SCD5: variants seen among roughly 807,000 people sequenced by gnomAD.
SCD5 encodes acyl-CoA-desaturase 4.
Under a neutral mutation model 30.4 loss-of-function variants are expected in SCD5, and 20 were observed. The observed-to-expected ratio is 0.66, with a 90% CI of 0.46 to 0.96. The LOEUF (loss-of-function observed/expected upper bound fraction) is 0.96, where lower values mean the gene tolerates loss of function less well. Ranked by LOEUF, SCD5 falls within the 40% of genes least tolerant of loss-of-function variation. SCD5 has a pLI of 0.00. For synonymous variants in SCD5, 173 were observed against 176.4 expected (o/e 0.98, Z 0.16); for missense variants, 381 against 443.3 (o/e 0.86, Z 1.26).
At chr4:82,656,082 A>C (rs6850132) in intron 3 of SCD5, among the ~76,000 whole-genome samples, 51,183 of 152,020 alleles carry the variant, frequency 0.34, 9,363 homozygotes, top group African/African-American at 0.49. Flanking sequence ...AGCTTTGATA[A>C]GACTACTTAT....
intron 2 of SCD5, among the ~76,000 whole-genome samples, chr4:82,697,750 TTCTC>T (rs1219396713): frequency 6.6e-6 from 1 of 152,278 alleles, no homozygotes; most frequent in Admixed American, 6.5e-5. Context: ...CTGGTTTCCT[TTCTC>T]TCTCTCTTTC....
chr4:82,788,997 T>C (rs1722044075), intron 1 of SCD5, among the ~76,000 whole-genome samples: 1 of 152,186 alleles, frequency 6.6e-6, no homozygotes, highest in African/African-American at 2.4e-5. Flanking sequence ...TTTTAAGCCA[T>C]TTGAAGCTGA....
intron 2 of SCD5, among the ~76,000 whole-genome samples, chr4:82,681,496 T>G (rs529320823): frequency 6.6e-6 from 1 of 152,254 alleles, no homozygotes; most frequent in South Asian, 2.1e-4. Flanking sequence ...GGGACATGGA[T>G]GGAGCTGGGG....
rs549668621 is a variant in SCD5 at position 82,751,247 on chromosome 4, G to A, written c.233-45834C>T. Among the ~76,000 whole-genome samples, 149 of 152,280 alleles carry A rather than the reference G, an allele frequency of 9.8e-4. 1 individual carries two copies. The highest frequency in any genetic ancestry group is 1.2e-3 in the Non-Finnish European group (80 of 68,022). On this transcript the variant is annotated intron_variant, in intron 1 of 4. Coordinates refer to ENST00000319540, the MANE Select transcript of SCD5 (RefSeq NM_001037582.3). The stretch of plus-strand genomic sequence containing the variant: ...GTCTCACTCTGTCGCTCAGGCTGGA[G>A]TGCAGTGGCGTGATCATAGCTCACT...
intron 1 of SCD5, among the ~76,000 whole-genome samples, chr4:82,795,981 G>T (rs1722205413): frequency 6.7e-6 from 1 of 149,974 alleles, no homozygotes; most frequent in Non-Finnish European, 1.5e-5. Context: ...AGAGAATTAA[G>T]ACTTACGGGC....
intron 3 of SCD5, among the ~76,000 whole-genome samples, chr4:82,662,823 G>A (rs1175756082): frequency 7.1e-6 from 1 of 140,038 alleles, no homozygotes; most frequent in Non-Finnish European, 1.5e-5. Flanking sequence ...CCACGCCATT[G>A]CACTCCAGCC....
At chr4:82,665,051 T>TACACAC (rs1553914975) in intron 3 of SCD5, among the ~76,000 whole-genome samples, 1 of 80,410 alleles carries the variant, frequency 1.2e-5, no homozygotes, top group African/African-American at 4.7e-5. Flanking sequence ...CACACATATA[T>TACACAC]ACACACACAC....
At chr4:82,720,564 AATT>A (rs974897658) in intron 1 of SCD5, among the ~76,000 whole-genome samples, 7 of 152,078 alleles carry the variant, frequency 4.6e-5, no homozygotes, top group Non-Finnish European at 7.4e-5. Context: ...TAATTTCAGA[AATT>A]ATTAATAATA....
At chr4:82,783,999 G>C (rs1721935289) in intron 1 of SCD5, among the ~76,000 whole-genome samples, 1 of 151,952 alleles carries the variant, frequency 6.6e-6, no homozygotes, top group Admixed American at 6.6e-5. Context: ...AAAATATATA[G>C]ATTCTATACA....
At chr4:82,761,584 T>C (rs141187673) in intron 1 of SCD5, among the ~76,000 whole-genome samples, 3 of 152,156 alleles carry the variant, frequency 2.0e-5, no homozygotes, top group Non-Finnish European at 2.9e-5. Context: ...TTCTTTTTTT[T>C]TTATTATTAT....
chr4:82,759,408 A>C (rs943869491), intron 1 of SCD5, among the ~76,000 whole-genome samples: 1 of 152,102 alleles, frequency 6.6e-6, no homozygotes, highest in Non-Finnish European at 1.5e-5. Context: ...CGTAACAACA[A>C]ATGGAACCAA....
At chr4:82,662,875 A>C (rs866813689) in intron 3 of SCD5, among the ~76,000 whole-genome samples, 13 of 151,946 alleles carry the variant, frequency 8.6e-5, no homozygotes, top group Middle Eastern at 3.4e-3. Flanking sequence ...AAAAAAAAAA[A>C]ACACACATGG....
chr4:82,694,057 C>T lies in SCD5; in HGVS notation c.363+11226G>A, dbSNP rs367985517. Among the ~76,000 whole-genome samples, 12 of 152,194 alleles carry T rather than the reference C, an allele frequency of 7.9e-5. No individual in the cohort carries two copies. The East Asian group carries it at 1.2e-3, about 15-fold the overall frequency. ...TACTGCTGTCCTGGGCTCTTGGGTCCGAGGCAACCTCCAGAGCATGGGCAG... is the reference window on the plus strand; with the variant it reads ...TACTGCTGTCCTGGGCTCTTGGGTCTGAGGCAACCTCCAGAGCATGGGCAG... On this transcript the variant is annotated intron_variant, in intron 2 of 4. Transcript: ENST00000319540.
At chr4:82,676,704 C>G (rs1728443990) in intron 3 of SCD5, among the ~76,000 whole-genome samples, 1 of 152,210 alleles carries the variant, frequency 6.6e-6, no homozygotes, top group African/African-American at 2.4e-5. Flanking sequence ...TGCCATGTTC[C>G]TTTGGCCCTG....
rs1560554060 is a variant in SCD5, at chr4:82,754,947, CA to C, written c.232+43358del. On this transcript the variant is annotated intron_variant, in intron 1 of 4. Coordinates refer to ENST00000319540, the MANE Select transcript of SCD5 (RefSeq NM_001037582.3). ...CAGAGGAACAGAAGCAACAAGACAC[CA>C]AGCCCACCATGGACAGAGACAGCCG... 1.6e-4 allele frequency among the ~76,000 whole-genome samples: 24 copies of C among 152,240 alleles called. No individual in the cohort carries two copies. The South Asian group carries it at 4.6e-3, about 29-fold the overall frequency.
chr4:82,681,721 C>A (rs1030172974), intron 2 of SCD5, among the ~76,000 whole-genome samples: 3 of 152,050 alleles, frequency 2.0e-5, no homozygotes, highest in African/African-American at 7.2e-5. Flanking sequence ...GTACACACAC[C>A]CCCATGACAC....
chr4:82,764,136 A>G (rs992239211), intron 1 of SCD5, among the ~76,000 whole-genome samples: 2 of 152,212 alleles, frequency 1.3e-5, no homozygotes, highest in Admixed American at 6.5e-5. Context: ...TCTACTGTCC[A>G]TTACATCACT....
chr4:82,699,039 T>C (rs879060535), intron 2 of SCD5, among the ~76,000 whole-genome samples: 1 of 152,178 alleles, frequency 6.6e-6, no homozygotes, highest in Admixed American at 6.5e-5. Flanking sequence ...ATTTGGACAC[T>C]GGGAGAGGCA....
At chr4:82,654,940 A>G (rs73829954) in intron 3 of SCD5, among the ~76,000 whole-genome samples, 1,761 of 152,364 alleles carry the variant, frequency 0.012, 38 homozygotes, top group African/African-American at 0.04. Flanking sequence ...ACTGAGATAT[A>G]TAAAAGAAGT....
Sources: gnomAD v4.1 joint callset for allele counts (sites outside exome capture counted in the v4.1 genomes callset) on GRCh38, gnomAD v4.1.1 for gene constraint, MANE v1.5 for transcripts, NCBI Gene and HGNC (gene_info 2026-07-23, HGNC 2026-07-21) for gene names.